Variants in SEC24A observed in about 807,000 individuals in gnomAD.
SEC24A encodes the protein protein transport protein Sec24A.
Under a neutral mutation model 129.4 loss-of-function variants are expected in SEC24A, and 93 were observed. That is an observed-to-expected ratio of 0.72 (90% confidence interval 0.61 to 0.85). SEC24A has a LOEUF of 0.85. Ranked by LOEUF, SEC24A falls within the 40% of genes least tolerant of loss-of-function variation. The pLI is 0.00. For missense variants in SEC24A, 1,264 were observed against 1,307.4 expected (o/e 0.97, Z 0.51); for synonymous variants, 460 against 467.3 (o/e 0.98, Z 0.20).
intron 12 of SEC24A, 43 bp downstream of exon 12, chr5:134,692,700 G>T: frequency 9.2e-7 from 1 of 1,092,582 alleles, no homozygotes. Flanking sequence ...TTGAAATATT[G>T]AAGGAATATG....
Position 134,688,201 on chromosome 5 carries a change from C to G in SEC24A, c.1625C>G (p.Thr542Arg). The G allele has an allele frequency of 1.2e-6, 2 of 1,611,848 alleles. No individual in the cohort carries two copies. The highest frequency in any genetic ancestry group is 1.7e-4 in the Middle Eastern group (1 of 6,058). ...NLDLLPGNTRTKIGFITFDST... is the reference protein window; with the variant it reads ...NLDLLPGNTRRKIGFITFDST... ...TTTAGGCTTCCTGGCAACACTAGAA[C>G]AAAAATTGGCTTCATAACATTTGAC... is the stretch of plus-strand genomic sequence containing the variant. Residue 542 changes from threonine (T) to arginine (R), a missense_variant, in exon 11 of 23, where the codon ACA becomes AGA. Coordinates refer to ENST00000398844, the MANE Select transcript of SEC24A (RefSeq NM_021982.3).
rs34581398 is a variant in SEC24A, at chr5:134,676,438, C to CTTTT, written c.1254+333_1254+336dup. On this transcript the variant is annotated intron_variant, in intron 7 of 22. Transcript: ENST00000398844. ...CAGGCGTGAGCCTCTGCGCCCGGCT[C>CTTTT]TTTTTTTTTTTTTTTTTTTTTTTCT... Among the ~76,000 whole-genome samples, 150 of 84,182 alleles carry CTTTT rather than the reference C, an allele frequency of 1.8e-3. 2 individuals are homozygous for CTTTT. Among genetic ancestry groups the CTTTT allele is most frequent in the Non-Finnish European group, 2.2e-3 (102 of 45,454 alleles). The allele number at this position is 84,182 out of a possible 152,430, so 55.2% of individuals were successfully genotyped here.
At position 134,648,904 on chromosome 5, in the gene SEC24A, G is replaced by A; in HGVS notation, c.-173G>A. 1 of 477,244 alleles carries A rather than the reference G, an allele frequency of 2.1e-6. No individual in the cohort carries two copies. 29.6% of individuals were successfully genotyped at this position (477,244 alleles called of 1,614,324 possible). ...GCTCCCAGGCTAGGCTGTGGCCGCC[G>A]GTGGCCTGGGGAGAGTGCGGCGCCA... On this transcript the variant is annotated 5_prime_UTR_variant, in exon 1 of 23. Coordinates refer to ENST00000398844, the MANE Select transcript of SEC24A (RefSeq NM_021982.3).
At chr5:134,704,185 T>C (rs1752086401) in intron 16 of SEC24A, among the ~76,000 whole-genome samples, 1 of 152,118 alleles carries the variant, frequency 6.6e-6, no homozygotes, top group Non-Finnish European at 1.5e-5. Context: ...TTCTCCTGCC[T>C]CAGCCACCCG....
At chr5:134,711,599 T>C (rs1752326949) in intron 18 of SEC24A, among the ~76,000 whole-genome samples, 1 of 150,086 alleles carries the variant, frequency 6.7e-6, no homozygotes. Context: ...AGTCTCGCTA[T>C]GTCGCCCAGG....
chr5:134,671,779 TA>T, intron 3 of SEC24A, 29 bp from the exon 4 acceptor site: 2 of 1,340,732 alleles, frequency 1.5e-6, no homozygotes, highest in Non-Finnish European at 2.1e-6. Context: ...TCATTCTAAT[TA>T]AAATCTTGTT....
At chr5:134,694,092 C>A (rs574461498) in intron 13 of SEC24A, among the ~76,000 whole-genome samples, 159 bp downstream of exon 13, 176 of 152,278 alleles carry the variant, frequency 1.2e-3, no homozygotes, top group Admixed American at 2.4e-3. Flanking sequence ...TTACATTTTT[C>A]TCTACCTGAT....
chr5:134,665,181 G>A (rs928254421), intron 2 of SEC24A, among the ~76,000 whole-genome samples: 3 of 151,748 alleles, frequency 2.0e-5, no homozygotes, highest in Admixed American at 6.6e-5. Flanking sequence ...GAGCGTGGTG[G>A]CTCACGACTG....
At chr5:134,705,090 A>ATATATATATATATATATTT (rs1180461537) in intron 16 of SEC24A, among the ~76,000 whole-genome samples, 15 of 123,290 alleles carry the variant, frequency 1.2e-4, no homozygotes, top group South Asian at 2.5e-4. Flanking sequence ...ATATATATAT[A>ATATATATATATATATATTT]TTTTTTTTTT....
At chr5:134,705,044 C>T (rs1752109715) in intron 16 of SEC24A, among the ~76,000 whole-genome samples, 1 of 140,308 alleles carries the variant, frequency 7.1e-6, no homozygotes, top group Non-Finnish European at 1.5e-5. Context: ...GGTTCTAAAT[C>T]GAAAAGAAGT....
intron 1 of SEC24A, among the ~76,000 whole-genome samples, chr5:134,658,665 C>A (rs943318256): frequency 8.5e-5 from 13 of 152,160 alleles, no homozygotes; most frequent in Non-Finnish European, 1.8e-4. Flanking sequence ...TTTGGCCTCC[C>A]AGTGTGATGG....
rs369238179 is a variant in SEC24A, at chr5:134,718,185, G to C, written c.2970+12G>C. ...TGGATGCAGGCTCTGTAAGTAATTT[G>C]ACTTATCCTGACCCTCACTGCAAAC... On this transcript the variant is annotated intron_variant, in intron 20 of 22. Transcript: ENST00000398844. 48 of 1,577,550 alleles carry C rather than the reference G, an allele frequency of 3.0e-5. 1 individual carries two copies. The Middle Eastern group carries it at 1.3e-3, about 44-fold the overall frequency.
intron 17 of SEC24A, among the ~76,000 whole-genome samples, chr5:134,706,998 C>G (rs978247350): frequency 6.6e-6 from 1 of 151,830 alleles, no homozygotes; most frequent in African/African-American, 2.4e-5. Context: ...CCTCAACCAG[C>G]TAACTTTAAA....
At chr5:134,691,441 A>G (rs952798671) in intron 11 of SEC24A, among the ~76,000 whole-genome samples, 5 of 151,078 alleles carry the variant, frequency 3.3e-5, no homozygotes, top group Non-Finnish European at 7.4e-5. Flanking sequence ...TGCTGGGATT[A>G]CAGGCACGAG....
chr5:134,649,069 C>T lies in SEC24A; in HGVS notation c.-8C>T. 8 of 1,605,592 alleles carry T rather than the reference C, an allele frequency of 5.0e-6. No individual in the cohort carries two copies. The highest frequency in any genetic ancestry group is 6.8e-6 in the Non-Finnish European group (8 of 1,175,270). On this transcript the variant is annotated 5_prime_UTR_variant, in exon 1 of 23. Coordinates refer to ENST00000398844, the MANE Select transcript of SEC24A (RefSeq NM_021982.3). ...CGACCCCGACCAGCCCCTTCCAACC[C>T]AGTCATCATGTCCCAGCCGGGAATA... is the stretch of plus-strand genomic sequence containing the variant.
At chr5:134,685,092 A>C (rs1001141649) in intron 9 of SEC24A, among the ~76,000 whole-genome samples, 2 of 152,128 alleles carry the variant, frequency 1.3e-5, no homozygotes, top group African/African-American at 4.8e-5. Flanking sequence ...ATTATAGGAC[A>C]GACATGGTGG....
chr5:134,724,797 C>T (rs1752720702), intron 22 of SEC24A, among the ~76,000 whole-genome samples, 183 bp from the exon 23 acceptor site: 1 of 152,244 alleles, frequency 6.6e-6, no homozygotes, highest in Middle Eastern at 3.4e-3. Context: ...TTAATTCCAC[C>T]ATAAGCTTTT....
Position 134,686,826 on chromosome 5 carries a change from T to G in SEC24A, c.1528T>G (p.Phe510Val), listed in dbSNP as rs772710763. Residue 510 changes from phenylalanine (F) to valine (V), a missense_variant, in exon 10 of 23, where the codon TTT becomes GTT. Coordinates refer to ENST00000398844, the MANE Select transcript of SEC24A (RefSeq NM_021982.3). ...TCAGCCTCCAGTGTATCTCTTTGTA[T>G]TTGATGTGTCTCACAATGCAGTCGA... is the stretch of plus-strand genomic sequence containing the variant. ...PPQPPVYLFV[F>V]DVSHNAVETG... is the part of the protein sequence containing the mutation. 2 of 1,610,438 alleles carry G rather than the reference T, an allele frequency of 1.2e-6. No individual in the cohort carries two copies. Among genetic ancestry groups the G allele is most frequent in the Non-Finnish European group, 1.7e-6 (2 of 1,178,422 alleles).
At chr5:134,709,836 GTTATT>G (rs58842185) in intron 18 of SEC24A, among the ~76,000 whole-genome samples, 38 of 151,758 alleles carry the variant, frequency 2.5e-4, no homozygotes, top group African/African-American at 9.0e-4. Flanking sequence ...GACCATACAT[GTTATT>G]TTATTTTATT....
Sources: allele counts gnomAD v4.1 joint callset (sites outside exome capture counted in the v4.1 genomes callset), GRCh38; gene constraint gnomAD v4.1.1; transcripts MANE v1.5; gene names NCBI Gene and HGNC (gene_info 2026-07-23, HGNC 2026-07-21).